Variants in DTNA observed in about 807,000 individuals in gnomAD.
DTNA encodes the protein dystrobrevin alpha, also known as dystrophin-related protein 3.
A neutral mutation model predicts 100.7 loss-of-function variants in DTNA; 43 were observed. The ratio of observed to expected loss-of-function variants is 0.43; its 90% CI spans 0.33 to 0.55. DTNA has a LOEUF of 0.55. Among genes scored for constraint, DTNA ranks in the 20% least tolerant of loss-of-function variants. The pLI is 0.04. For synonymous variants in DTNA, 349 were observed against 347.9 expected, an observed-to-expected ratio of 1.00 and a Z score of -0.04; for missense variants, 798 against 953.9, an observed-to-expected ratio of 0.84 and a Z score of 2.15.
chr18:34,631,430 T>C (rs1242352010), intron 1 of DTNA, among the ~76,000 whole-genome samples: 1 of 152,174 alleles, frequency 6.6e-6, no homozygotes, highest in Non-Finnish European at 1.5e-5. Context: ...TCACTATTTT[T>C]AAATTGAGAA....
At chr18:34,670,579 G>A (rs2076602105) in intron 1 of DTNA, among the ~76,000 whole-genome samples, 2 of 152,222 alleles carry the variant, frequency 1.3e-5, no homozygotes, top group South Asian at 4.1e-4. Context: ...TTTGATGATG[G>A]TGACATACAG....
chr18:34,583,002 T>G (rs1206061038), intron 1 of DTNA, among the ~76,000 whole-genome samples: 1 of 152,246 alleles, frequency 6.6e-6, no homozygotes, highest in African/African-American at 2.4e-5. Flanking sequence ...TTGTCTTGAC[T>G]AGGTTATGAC....
At chr18:34,697,688 C>A (rs974316972) in intron 1 of DTNA, among the ~76,000 whole-genome samples, 1 of 152,052 alleles carries the variant, frequency 6.6e-6, no homozygotes, top group Non-Finnish European at 1.5e-5. Context: ...TGAAATAGAG[C>A]GAGGCTGTGG....
chr18:34,783,169 T>C (rs991695915), intron 3 of DTNA, among the ~76,000 whole-genome samples: 2 of 152,244 alleles, frequency 1.3e-5, no homozygotes, highest in African/African-American at 4.8e-5. Context: ...TATAATACTT[T>C]AAAAATAATG....
chr18:34,499,230 A>G (rs543838624), intron 1 of DTNA, among the ~76,000 whole-genome samples: 1 of 152,340 alleles, frequency 6.6e-6, no homozygotes, highest in East Asian at 1.9e-4. Flanking sequence ...AAGTGGAATT[A>G]TACATAATGG....
intron 1 of DTNA, among the ~76,000 whole-genome samples, chr18:34,728,435 A>G (rs2087264862): frequency 6.6e-6 from 1 of 152,150 alleles, no homozygotes; most frequent in Non-Finnish European, 1.5e-5. Context: ...TCATGCAGAA[A>G]TATTTTACAT....
chr18:34,661,176 G>A (rs1438226448), intron 1 of DTNA, among the ~76,000 whole-genome samples: 1 of 152,086 alleles, frequency 6.6e-6, no homozygotes, highest in Non-Finnish European at 1.5e-5. Context: ...TTCCCCAAGT[G>A]GAGCTTCTAA....
intron 1 of DTNA, among the ~76,000 whole-genome samples, chr18:34,749,699 G>A (rs1386113768): frequency 6.6e-6 from 1 of 151,094 alleles, no homozygotes; most frequent in Non-Finnish European, 1.5e-5. Flanking sequence ...ACCAGTTCCA[G>A]GAGTAGAAGA....
chr18:34,788,870 G>A (rs1410056897), intron 3 of DTNA, among the ~76,000 whole-genome samples: 2 of 152,180 alleles, frequency 1.3e-5, no homozygotes, highest in East Asian at 3.8e-4. Context: ...TTATAAATTA[G>A]TAGTAGAATA....
intron 15 of DTNA, among the ~76,000 whole-genome samples, chr18:34,857,778 T>G (rs2096570837): frequency 6.6e-6 from 1 of 152,208 alleles, no homozygotes; most frequent in African/African-American, 2.4e-5. Context: ...GAGAAGTCCC[T>G]TCTTGGTGAG....
chr18:34,651,510 A>G (rs961639864), intron 1 of DTNA, among the ~76,000 whole-genome samples: 1 of 152,202 alleles, frequency 6.6e-6, no homozygotes, highest in Non-Finnish European at 1.5e-5. Context: ...CAACATTGCT[A>G]AGACTCATTT....
intron 1 of DTNA, among the ~76,000 whole-genome samples, chr18:34,610,020 CTATA>C (rs71991189): frequency 0.066 from 9,943 of 150,414 alleles, 382 homozygotes; most frequent in Non-Finnish European, 0.074. Flanking sequence ...TTGCCGAGAT[CTATA>C]TATATATATA....
intron 4 of DTNA, among the ~76,000 whole-genome samples, chr18:34,794,750 A>G (rs2149051583): frequency 6.6e-6 from 1 of 152,312 alleles, no homozygotes; most frequent in South Asian, 2.1e-4. Context: ...AAGTGTTTCG[A>G]TCATAAAATA....
intron 2 of DTNA, 102 bp downstream of exon 2, chr18:34,756,145 A>C (rs2092753322): frequency 7.4e-7 from 1 of 1,360,244 alleles, no homozygotes; most frequent in South Asian, 1.2e-5. Context: ...ACTTTTCCTT[A>C]GGATCCTAAG....
At chr18:34,549,862 TG>T (rs1160320668) in intron 1 of DTNA, among the ~76,000 whole-genome samples, 3 of 152,222 alleles carry the variant, frequency 2.0e-5, no homozygotes, top group Admixed American at 2.0e-4. Context: ...AGGGTAACTT[TG>T]AAACTGATCT....
At chr18:34,507,860 A>T (rs978749887) in intron 1 of DTNA, among the ~76,000 whole-genome samples, 7 of 151,524 alleles carry the variant, frequency 4.6e-5, no homozygotes, top group African/African-American at 1.7e-4. Flanking sequence ...GCACTAGAGT[A>T]ATCCCTCCAA....
intron 1 of DTNA, among the ~76,000 whole-genome samples, chr18:34,523,385 A>G (rs564217306): frequency 5.3e-5 from 8 of 152,172 alleles, no homozygotes; most frequent in Non-Finnish European, 1.2e-4. Context: ...CACCTTGAAA[A>G]TCTACTTTAA....
intron 1 of DTNA, among the ~76,000 whole-genome samples, chr18:34,625,539 CATATG>C (rs1401114125): frequency 2.0e-5 from 3 of 152,202 alleles, no homozygotes; most frequent in Non-Finnish European, 2.9e-5. Context: ...ATAATACAAA[CATATG>C]ATATGACCCT....
chr18:34,566,279 CT>C (rs1010132829), intron 1 of DTNA, among the ~76,000 whole-genome samples: 16 of 148,630 alleles, frequency 1.1e-4, no homozygotes, highest in African/African-American at 3.7e-4. Context: ...AGAAATTAAT[CT>C]TTAAAAAAAA....
Sources: allele counts gnomAD v4.1 joint callset (sites outside exome capture counted in the v4.1 genomes callset), GRCh38; gene constraint gnomAD v4.1.1; transcripts MANE v1.5; gene names NCBI Gene and HGNC (gene_info 2026-07-23, HGNC 2026-07-21).